PDE3B: variants seen among roughly 807,000 people sequenced by gnomAD.
PDE3B encodes the protein phosphodiesterase 3B, also known as cGMP-inhibited 3',5'-cyclic phosphodiesterase 3B.
A neutral mutation model predicts 116.8 loss-of-function variants in PDE3B; 66 were observed. The ratio of observed to expected loss-of-function variants is 0.56; its 90% CI spans 0.46 to 0.69. The LOEUF (loss-of-function observed/expected upper bound fraction) is 0.69. PDE3B is among the 30% of genes least tolerant of loss of function. PDE3B has a pLI of 0.00. For missense variants in PDE3B, 1,384 were observed against 1,368.1 expected (o/e 1.01, Z -0.18); for synonymous variants, 595 against 533.6 (o/e 1.12, Z -1.59).
chr11:14,733,778 A>G (rs1319892933), intron 1 of PDE3B, among the ~76,000 whole-genome samples: 6 of 152,238 alleles, frequency 3.9e-5, no homozygotes, highest in Non-Finnish European at 8.8e-5. Flanking sequence ...GCCAATAAAT[A>G]GAAGTTTAAA....
the PDE3B span, chr11:14,892,075 GGCGGCCC>G: frequency 3.2e-5 from 52 of 1,611,984 alleles, no homozygotes; most frequent in Non-Finnish European, 4.2e-5. Context: ...TGGCAGCCCC[GGCGGCCC>G]CGGGGGGAAG....
At chr11:14,663,625 C>G (rs961853976) in intron 1 of PDE3B, among the ~76,000 whole-genome samples, 3 of 152,144 alleles carry the variant, frequency 2.0e-5, no homozygotes, top group Non-Finnish European at 4.4e-5. Context: ...CAATCCTAGT[C>G]TCTGATAAAA....
At chr11:14,746,918 T>C (rs1007449859) in intron 1 of PDE3B, among the ~76,000 whole-genome samples, 1 of 152,224 alleles carries the variant, frequency 6.6e-6, no homozygotes, top group African/African-American at 2.4e-5. Flanking sequence ...TATAAAGGAA[T>C]ACCTGAGACT....
intron 1 of PDE3B, among the ~76,000 whole-genome samples, chr11:14,695,711 C>G (rs940514979): frequency 3.3e-5 from 5 of 151,964 alleles, no homozygotes; most frequent in Non-Finnish European, 5.9e-5. Context: ...TGTTCCCCTC[C>G]CTGTGTCCAT....
At chr11:14,830,957 A>AT (rs1261286967) in intron 8 of PDE3B, 111 bp downstream of exon 8, 2 of 568,546 alleles carry the variant, frequency 3.5e-6, no homozygotes, top group Admixed American at 4.3e-5. Flanking sequence ...GTATTTTTTA[A>AT]TTTTTTTACT....
chr11:14,771,572 A>G (rs1190586229), intron 1 of PDE3B, among the ~76,000 whole-genome samples: 1 of 151,724 alleles, frequency 6.6e-6, no homozygotes, highest in African/African-American at 2.4e-5. Context: ...ATCACCCATC[A>G]CCCATGATGA....
At chr11:14,701,583 A>G (rs187174140) in intron 1 of PDE3B, among the ~76,000 whole-genome samples, 3 of 151,844 alleles carry the variant, frequency 2.0e-5, no homozygotes, top group Admixed American at 1.3e-4. Context: ...GTATTTACCT[A>G]CATAATTTAA....
chr11:14,671,293 C>A (rs4589330), intron 1 of PDE3B, among the ~76,000 whole-genome samples: 178 of 152,184 alleles, frequency 1.2e-3, no homozygotes, highest in African/African-American at 4.0e-3. Context: ...GAAAGCCTCT[C>A]TGAAGAGGTG....
intron 5 of PDE3B, among the ~76,000 whole-genome samples, chr11:14,806,284 C>CAA (rs58465097): frequency 1.0e-3 from 127 of 126,508 alleles, no homozygotes; most frequent in Admixed American, 3.8e-3. Context: ...ACTAAAAATA[C>CAA]AAAAAAAAAA....
intron 1 of PDE3B, among the ~76,000 whole-genome samples, chr11:14,742,019 T>C (rs910379828): frequency 6.6e-6 from 1 of 152,022 alleles, no homozygotes; most frequent in Non-Finnish European, 1.5e-5. Flanking sequence ...GGCTGCCTTA[T>C]CATTTTTTCC....
chr11:14,698,086 G>A (rs1855262674), intron 1 of PDE3B, among the ~76,000 whole-genome samples: 1 of 151,662 alleles, frequency 6.6e-6, no homozygotes. Flanking sequence ...GGGAAGTATT[G>A]AACATTTTAC....
At chr11:14,882,768 G>T in the PDE3B span, among the ~76,000 whole-genome samples, 61 of 152,326 alleles carry the variant, frequency 4.0e-4, 1 homozygote, top group African/African-American at 1.3e-3. Context: ...TGACATGATT[G>T]TATAACGAGA....
intron 5 of PDE3B, among the ~76,000 whole-genome samples, chr11:14,807,914 A>G (rs1839834): frequency 0.66 from 99,692 of 151,750 alleles, 33,023 homozygotes; most frequent in African/African-American, 0.74. Context: ...ACAAAAATTA[A>G]CCAGACGTGG....
intron 1 of PDE3B, among the ~76,000 whole-genome samples, chr11:14,715,394 A>G (rs1360147530): frequency 3.9e-5 from 6 of 152,192 alleles, no homozygotes; most frequent in Non-Finnish European, 8.8e-5. Context: ...ACCCATGAGC[A>G]TGGAATGTTC....
intron 1 of PDE3B, among the ~76,000 whole-genome samples, chr11:14,692,025 T>G (rs913450299): frequency 6.6e-6 from 1 of 152,114 alleles, no homozygotes; most frequent in Non-Finnish European, 1.5e-5. Flanking sequence ...CCCAGTACTT[T>G]GGGAGGCTGA....
chr11:14,651,426 C>T (rs1055100053), intron 1 of PDE3B, among the ~76,000 whole-genome samples: 4 of 152,060 alleles, frequency 2.6e-5, no homozygotes, highest in South Asian at 2.1e-4. Context: ...TTTTTTGGGG[C>T]GATACAATTC....
At chr11:14,774,304 C>A (rs1214299814) in intron 2 of PDE3B, 1 of 152,138 alleles carries the variant, frequency 6.6e-6, no homozygotes, top group East Asian at 1.9e-4. Context: ...ACACTCTGAA[C>A]CTATTCCCTC....
intron 7 of PDE3B, among the ~76,000 whole-genome samples, chr11:14,824,631 T>C (rs558201097): frequency 1.3e-5 from 2 of 151,954 alleles, no homozygotes; most frequent in African/African-American, 2.4e-5. Flanking sequence ...TCTAGAAATA[T>C]GGGATTGTGT....
chr11:14,810,581 G>A (rs1859095959), intron 5 of PDE3B, among the ~76,000 whole-genome samples: 1 of 151,464 alleles, frequency 6.6e-6, no homozygotes, highest in Middle Eastern at 3.2e-3. Flanking sequence ...TGGACATTTG[G>A]GTCGGTTCCA....
Sources: gnomAD v4.1 joint callset for allele counts (sites outside exome capture counted in the v4.1 genomes callset) on GRCh38, gnomAD v4.1.1 for gene constraint, MANE v1.5 for transcripts, NCBI Gene and HGNC (gene_info 2026-07-23, HGNC 2026-07-21) for gene names.